Variants in ZNF341 observed in about 807,000 individuals in gnomAD.
ZNF341 encodes zinc finger protein 341.
A neutral mutation model predicts 87.7 loss-of-function variants in ZNF341; 52 were observed. The observed-to-expected ratio is 0.59, with a 90% CI of 0.47 to 0.75. The LOEUF (loss-of-function observed/expected upper bound fraction) is 0.75, where lower values mean the gene tolerates loss of function less well. Among genes scored for constraint, ZNF341 ranks in the 30% least tolerant of loss-of-function variants. The pLI is 0.00. For missense variants in ZNF341, 977 were observed against 1,145.9 expected, an observed-to-expected ratio of 0.85 and a Z score of 2.13; for synonymous variants, 459 against 472.7, an observed-to-expected ratio of 0.97 and a Z score of 0.38.
At chr20:33,760,373 A>G (rs2019266735) in intron 7 of ZNF341, among the ~76,000 whole-genome samples, 1 of 152,178 alleles carries the variant, frequency 6.6e-6, no homozygotes, top group African/African-American at 2.4e-5. Flanking sequence ...AGTGCACTCC[A>G]GCCTGGGTGA....
At chr20:33,786,838 C>A (rs748356306) in intron 12 of ZNF341, among the ~76,000 whole-genome samples, 2 of 151,530 alleles carry the variant, frequency 1.3e-5, no homozygotes, top group Admixed American at 6.6e-5. Context: ...TGTGGTGGTA[C>A]GCACCTGTGA....
At chr20:33,768,150 T>C (rs1188733334) in intron 9 of ZNF341, among the ~76,000 whole-genome samples, 2 of 151,696 alleles carry the variant, frequency 1.3e-5, no homozygotes, top group African/African-American at 4.8e-5. Flanking sequence ...CCCGAGGCAG[T>C]CTCACTCTGT....
At chr20:33,768,681 C>T (rs1453457612) in intron 9 of ZNF341, among the ~76,000 whole-genome samples, 1 of 152,110 alleles carries the variant, frequency 6.6e-6, no homozygotes, top group African/African-American at 2.4e-5. Context: ...CCTTGGCCTC[C>T]CAGCATGTTA....
intron 4 of ZNF341, 132 bp from the exon 5 acceptor site, chr20:33,753,040 T>C: frequency 1.5e-6 from 2 of 1,304,046 alleles, no homozygotes; most frequent in Admixed American, 1.8e-5. Context: ...CAACCTCTCT[T>C]AGCCCCTCTC....
intron 3 of ZNF341, among the ~76,000 whole-genome samples, chr20:33,746,880 G>A (rs2018937213): frequency 6.6e-6 from 1 of 152,206 alleles, no homozygotes; most frequent in African/African-American, 2.4e-5. Context: ...GCTGAAGGGA[G>A]GAGGCTGTGA....
At chr20:33,736,371 C>T (rs1251858080) in intron 1 of ZNF341, among the ~76,000 whole-genome samples, 4 of 152,050 alleles carry the variant, frequency 2.6e-5, no homozygotes, top group South Asian at 2.1e-4. Context: ...TAGTCATCCC[C>T]GGGCTTGGGC....
chr20:33,772,010 T>TAAAAAAAAAA (rs57345366), intron 10 of ZNF341, among the ~76,000 whole-genome samples: 7 of 56,168 alleles, frequency 1.2e-4, no homozygotes, highest in African/African-American at 3.1e-4. Flanking sequence ...ACGCTTGTCT[T>TAAAAAAAAAA]AAAAAAAAAA....
intron 1 of ZNF341, among the ~76,000 whole-genome samples, chr20:33,738,690 A>G (rs2018743100): frequency 6.6e-6 from 1 of 152,222 alleles, no homozygotes; most frequent in African/African-American, 2.4e-5. Context: ...TAGAAGAGAT[A>G]GAGGGTGTAG....
In ZNF341 at chr20:33,791,648, T is replaced by C. The variant is rs2020039080; in HGVS notation, c.*131T>C. 1 of 1,090,104 alleles carries C rather than the reference T, an allele frequency of 9.2e-7. No individual in the cohort carries two copies. Among genetic ancestry groups the C allele is most frequent in the Non-Finnish European group, 1.3e-6 (1 of 792,582 alleles). 67.5% of individuals were successfully genotyped at this position (1,090,104 alleles called of 1,614,324 possible). ...CCATTGGCAGAAATCCTGCTGAATG[T>C]CATTCAGAAACCTCAGCCCATGGTC... is the stretch of plus-strand genomic sequence containing the variant. On this transcript the variant is annotated 3_prime_UTR_variant, in exon 15 of 15. Coordinates refer to ENST00000375200, the MANE Select transcript of ZNF341 (RefSeq NM_001282933.2).
intron 4 of ZNF341, among the ~76,000 whole-genome samples, chr20:33,751,542 A>G (rs2019055296): frequency 6.6e-6 from 1 of 152,138 alleles, no homozygotes; most frequent in Non-Finnish European, 1.5e-5. Context: ...AACACACTTC[A>G]GACTCCAAAG....
chr20:33,742,257 C>T (rs926580930), intron 2 of ZNF341, among the ~76,000 whole-genome samples: 2 of 152,114 alleles, frequency 1.3e-5, no homozygotes, highest in South Asian at 2.1e-4. Context: ...AGTGCAGTGG[C>T]GCGATCTCGG....
chr20:33,771,883 C>G (rs777977801), intron 10 of ZNF341, among the ~76,000 whole-genome samples: 1 of 151,408 alleles, frequency 6.6e-6, no homozygotes, highest in Non-Finnish European at 1.5e-5. Flanking sequence ...GGTGTGTTGG[C>G]ACGCACCCGT....
chr20:33,772,599 G>C (rs1342624122), intron 10 of ZNF341, among the ~76,000 whole-genome samples: 1 of 152,218 alleles, frequency 6.6e-6, no homozygotes, highest in Non-Finnish European at 1.5e-5. Flanking sequence ...CCCAAGAGCA[G>C]TGACATCTGA....
At chr20:33,750,958 A>G (rs1051018767) in intron 4 of ZNF341, among the ~76,000 whole-genome samples, 7 of 151,768 alleles carry the variant, frequency 4.6e-5, no homozygotes, top group African/African-American at 1.7e-4. Context: ...ATTTTTTTTT[A>G]GAGACAGAGT....
At chr20:33,761,056 A>T (rs937871434) in intron 7 of ZNF341, among the ~76,000 whole-genome samples, 4 of 149,416 alleles carry the variant, frequency 2.7e-5, no homozygotes, top group African/African-American at 9.9e-5. Context: ...GTGCAGTGGC[A>T]TGATCATAGC....
intron 4 of ZNF341, among the ~76,000 whole-genome samples, chr20:33,751,710 G>A (rs1278915034): frequency 1.3e-5 from 2 of 152,100 alleles, no homozygotes; most frequent in Non-Finnish European, 2.9e-5. Context: ...AAGTAGCTGG[G>A]ACTACAGGTG....
chr20:33,790,072 ATTTT>A (rs11470365), intron 14 of ZNF341, among the ~76,000 whole-genome samples: 2 of 140,866 alleles, frequency 1.4e-5, no homozygotes, highest in Non-Finnish European at 1.6e-5. Context: ...GGGCCAGATA[ATTTT>A]TTTTTTTTTT....
At chr20:33,787,049 T>G (rs2019881690) in intron 12 of ZNF341, 2 of 150,714 alleles carry the variant, frequency 1.3e-5, no homozygotes, top group African/African-American at 4.9e-5. Context: ...ATTATAAAAA[T>G]GGAAACAATA....
intron 5 of ZNF341, 81 bp downstream of exon 5, chr20:33,753,504 T>G (rs1187589652): frequency 6.9e-7 from 1 of 1,451,928 alleles, no homozygotes; most frequent in East Asian, 2.5e-5. Flanking sequence ...GCACCAGCTG[T>G]GTGCCAGACA....
Sources: allele counts gnomAD v4.1 joint callset (sites outside exome capture counted in the v4.1 genomes callset), GRCh38; gene constraint gnomAD v4.1.1; transcripts MANE v1.5; gene names NCBI Gene and HGNC (gene_info 2026-07-23, HGNC 2026-07-21).